Variants in UNC79 observed in about 807,000 individuals in gnomAD.
UNC79 encodes the protein unc-79 subunit of NALCN channel complex, also known as protein unc-79 homolog.
In UNC79, 37 loss-of-function variants were observed where a neutral mutation model predicts 283.1. That is an observed-to-expected ratio of 0.13 (90% confidence interval 0.10 to 0.17). The LOEUF (loss-of-function observed/expected upper bound fraction) is 0.17. Among genes scored for constraint, UNC79 ranks in the 10% least tolerant of loss-of-function variants. The pLI is 1.00. For synonymous variants in UNC79, 1,107 were observed against 1,200.2 expected, an observed-to-expected ratio of 0.92 and a Z score of 1.61; for missense variants, 2,272 against 3,211.1, an observed-to-expected ratio of 0.71 and a Z score of 7.07.
chr14:93,689,026 G>A (rs1595084698), intron 44 of UNC79, 186 bp downstream of exon 47: 1 of 577,550 alleles, frequency 1.7e-6, no homozygotes, highest in East Asian at 3.3e-5. Flanking sequence ...TCTTTGACAT[G>A]CTGCCAAAAA....
chr14:93,507,650 C>A (rs1055900550), intron 7 of UNC79, among the ~76,000 whole-genome samples: 6 of 152,012 alleles, frequency 3.9e-5, no homozygotes, highest in African/African-American at 1.4e-4. Flanking sequence ...TATTTTATTC[C>A]AGTCTTGGGG....
chr14:93,599,968 A>G (rs563158125), intron 24 of UNC79, among the ~76,000 whole-genome samples: 37 of 151,890 alleles, frequency 2.4e-4, no homozygotes, highest in African/African-American at 6.5e-4. Flanking sequence ...TTGGGAGGCC[A>G]AGGAGGGCAG....
Position 93,526,552 on chromosome 14 carries a change from C to T in UNC79, c.964-2006C>T, listed in dbSNP as rs188922374. On this transcript the variant is annotated intron_variant, in intron 8 of 48. Coordinates refer to ENST00000555664, the Ensembl canonical transcript of UNC79. ...ATTGAATTTTCTTTTTTCCCTTTCTCGGTTTTCCAAAGCCTCTACATTGGG... is the reference window on the plus strand; with the variant it reads ...ATTGAATTTTCTTTTTTCCCTTTCTTGGTTTTCCAAAGCCTCTACATTGGG... Among the ~76,000 whole-genome samples the T allele has an allele frequency of 2.0e-3, 298 of 151,988 alleles. 1 individual carries two copies. The highest frequency in any genetic ancestry group is 6.7e-3 in the African/African-American group (276 of 41,484).
intron 14 of UNC79, among the ~76,000 whole-genome samples, chr14:93,552,545 C>G (rs533935819): frequency 1.4e-4 from 22 of 152,126 alleles, no homozygotes; most frequent in Admixed American, 2.6e-4. Context: ...GAACCTACAA[C>G]AGGTATATTA....
chr14:93,443,223 CTAAAT>C (rs1465743646), intron 1 of UNC79, among the ~76,000 whole-genome samples: 2 of 144,644 alleles, frequency 1.4e-5, no homozygotes, highest in African/African-American at 5.1e-5. Context: ...GAGTCAGTCT[CTAAAT>C]AAATAAATAA....
intron 7 of UNC79, among the ~76,000 whole-genome samples, chr14:93,503,422 G>T (rs1350521516): frequency 1.3e-5 from 2 of 152,094 alleles, no homozygotes; most frequent in African/African-American, 2.4e-5. Context: ...GCCTAAGGTG[G>T]AATTCCTGGA....
chr14:93,463,338 A>G (rs2057029893), intron 1 of UNC79, among the ~76,000 whole-genome samples: 1 of 152,026 alleles, frequency 6.6e-6, no homozygotes, highest in Non-Finnish European at 1.5e-5. Context: ...GCCAAACTGG[A>G]GTGAGTGGAA....
Position 93,686,645 on chromosome 14 carries a change from C to T in UNC79, c.6893C>T (p.Thr2298Met), listed in dbSNP as rs1253886558. Residue 2298 changes from threonine (T) to methionine (M), a missense_variant, in exon 43 of 49, where the codon ACG (threonine) becomes ATG (methionine). Physicochemically the swap from Thr to Met is moderately conservative, Grantham distance 81. Coordinates refer to ENST00000555664, the Ensembl canonical transcript of UNC79. Reference sequence around the variant, plus strand: ...CTGGATTTCATGGCAGACATGCACACGCTGACCAAACTGAAGGTGAGATGA... The same window carrying T: ...CTGGATTTCATGGCAGACATGCACATGCTGACCAAACTGAAGGTGAGATGA... 5.0e-6 allele frequency: 8 copies of T among 1,613,972 alleles called. No homozygotes were observed. Among genetic ancestry groups the T allele is most frequent in the East Asian group, 2.2e-5 (1 of 44,868 alleles).
intron 14 of UNC79, among the ~76,000 whole-genome samples, chr14:93,568,595 T>G (rs1410862287): frequency 6.6e-6 from 1 of 151,934 alleles, no homozygotes; most frequent in Admixed American, 6.6e-5. Flanking sequence ...CACTTGAATC[T>G]GGGAGGTGGA....
chr14:93,687,136 C>T (rs1416960744), intron 43 of UNC79, among the ~76,000 whole-genome samples: 2 of 152,206 alleles, frequency 1.3e-5, no homozygotes, highest in Non-Finnish European at 2.9e-5. Flanking sequence ...CCTTGCCTGA[C>T]TGTTACGAGG....
intron 1 of UNC79, among the ~76,000 whole-genome samples, chr14:93,339,540 C>T (rs1476493428): frequency 2.6e-5 from 4 of 152,170 alleles, no homozygotes; most frequent in Non-Finnish European, 5.9e-5. Context: ...ACCTCGTGAT[C>T]GACCCGCCTC....
chr14:93,703,160 T>C (rs2075653615), intron 47 of UNC79, among the ~76,000 whole-genome samples: 1 of 152,206 alleles, frequency 6.6e-6, no homozygotes, highest in Non-Finnish European at 1.5e-5. Context: ...CCTCCCCGAC[T>C]CTCTGCACAC....
chr14:93,545,541 T>C (rs891048358), intron 14 of UNC79, among the ~76,000 whole-genome samples: 11 of 152,200 alleles, frequency 7.2e-5, no homozygotes, highest in African/African-American at 2.7e-4. Context: ...GGAAGTGACC[T>C]TTTTTACTCA....
chr14:93,651,262 T>A (rs1325079758), intron 35 of UNC79, among the ~76,000 whole-genome samples: 1 of 152,218 alleles, frequency 6.6e-6, no homozygotes, highest in Non-Finnish European at 1.5e-5. Flanking sequence ...TTGGTTTGGA[T>A]CTCTACATTC....
chr14:93,348,349 C>T, intron 1 of UNC79: 1 of 474,018 alleles, frequency 2.1e-6, no homozygotes. Flanking sequence ...CTTATTCGTG[C>T]TTGGTAATAT....
intron 20 of UNC79, among the ~76,000 whole-genome samples, chr14:93,585,625 T>C (rs567267102): frequency 6.6e-6 from 1 of 152,164 alleles, no homozygotes; most frequent in Admixed American, 6.5e-5. Flanking sequence ...CGTGTAATGG[T>C]GATTTTAACA....
intron 1 of UNC79, among the ~76,000 whole-genome samples, chr14:93,388,015 T>G (rs61994474): frequency 8.1e-4 from 123 of 152,364 alleles, no homozygotes; most frequent in South Asian, 3.1e-3. Context: ...AGTTTTTGTC[T>G]TGACATCTAT....
At chr14:93,426,370 T>C (rs1466311769), upstream of UNC79, among the ~76,000 whole-genome samples, 7 of 151,488 alleles carry the variant, frequency 4.6e-5, no homozygotes, top group Admixed American at 4.6e-4. Context: ...CTGTAAATTT[T>C]TTTTGTCACC....
intron 1 of UNC79, among the ~76,000 whole-genome samples, chr14:93,440,311 T>C (rs1427750805): frequency 2.6e-5 from 4 of 152,164 alleles, no homozygotes; most frequent in Non-Finnish European, 5.9e-5. Context: ...GTTGTGTATT[T>C]GTGCTGTCTC....
Sources: gnomAD v4.1 joint callset for allele counts (sites outside exome capture counted in the v4.1 genomes callset) on GRCh38, gnomAD v4.1.1 for gene constraint, MANE v1.5 for transcripts, NCBI Gene and HGNC (gene_info 2026-07-23, HGNC 2026-07-21) for gene names.